OBI1: variants seen among roughly 807,000 people sequenced by gnomAD.
OBI1 encodes ORC ubiquitin ligase 1.
In OBI1, 59 loss-of-function variants were observed where a neutral mutation model predicts 62.4. The ratio of observed to expected loss-of-function variants is 0.95; its 90% CI spans 0.77 to 1.17. OBI1 has a LOEUF of 1.17. Ranked by LOEUF, OBI1 falls within the 50% of genes most tolerant of loss-of-function variation. The pLI is 0.00. For synonymous variants in OBI1, 302 were observed against 292.8 expected, an observed-to-expected ratio of 1.03 and a Z score of -0.32; for missense variants, 875 against 830.9, an observed-to-expected ratio of 1.05 and a Z score of -0.65.
chr13:78,652,681 C>G (rs988465602), intron 1 of OBI1, among the ~76,000 whole-genome samples: 1 of 152,302 alleles, frequency 6.6e-6, no homozygotes, highest in Middle Eastern at 3.4e-3. Flanking sequence ...GCATTAGACT[C>G]TCCTAAGGAG....
At chr13:78,624,605 T>C (rs1353452762) in intron 5 of OBI1, among the ~76,000 whole-genome samples, 2 of 152,124 alleles carry the variant, frequency 1.3e-5, no homozygotes, top group Non-Finnish European at 2.9e-5. Context: ...AACTATGCAT[T>C]TGTAGTTAAA....
At chr13:78,618,278 G>A (rs1157062368) in intron 5 of OBI1, among the ~76,000 whole-genome samples, 1 of 151,900 alleles carries the variant, frequency 6.6e-6, no homozygotes, top group East Asian at 1.9e-4. Flanking sequence ...TCTGTTTGGA[G>A]GAAGCTATGA....
At chr13:78,655,137 C>T (rs1313943597) in intron 1 of OBI1, among the ~76,000 whole-genome samples, 12 of 152,172 alleles carry the variant, frequency 7.9e-5, no homozygotes, top group Non-Finnish European at 1.6e-4. Flanking sequence ...TGGCAAAATG[C>T]ATGCACGGCC....
intron 1 of OBI1, among the ~76,000 whole-genome samples, chr13:78,656,784 T>A (rs985421019): frequency 1.4e-5 from 2 of 142,248 alleles, no homozygotes; most frequent in Admixed American, 7.1e-5. Flanking sequence ...AATTTTCTTT[T>A]ATTTTTAATT....
intron 2 of OBI1, among the ~76,000 whole-genome samples, chr13:78,642,426 A>T (rs1876247202): frequency 6.6e-6 from 1 of 152,202 alleles, no homozygotes; most frequent in South Asian, 2.1e-4. Context: ...ACCTTCAGTA[A>T]CACATCATAT....
At chr13:78,656,738 G>T (rs557269759) in intron 1 of OBI1, among the ~76,000 whole-genome samples, 8 of 122,792 alleles carry the variant, frequency 6.5e-5, no homozygotes, top group African/African-American at 2.4e-4. Flanking sequence ...CTGGGGGGGG[G>T]GGGGGAGGAG....
intron 5 of OBI1, among the ~76,000 whole-genome samples, chr13:78,633,766 T>C (rs1875927240): frequency 1.3e-5 from 2 of 152,142 alleles, no homozygotes; most frequent in Admixed American, 1.3e-4. Flanking sequence ...TCTTCTGGAA[T>C]GGAATAAAAA....
intron 1 of OBI1, among the ~76,000 whole-genome samples, chr13:78,653,233 C>G (rs990156718): frequency 8.5e-5 from 13 of 152,274 alleles, no homozygotes; most frequent in Non-Finnish European, 1.5e-4. Context: ...TTAGGCGGTT[C>G]CCTGCATATT....
Position 78,615,944 on chromosome 13 carries a change from T to C in OBI1, c.1817A>G (p.Glu606Gly), listed in dbSNP as rs149986119. ...LTNDQLENGSEWKPTSFFLLS... is the reference protein window; with the variant it reads ...LTNDQLENGSGWKPTSFFLLS... The stretch of plus-strand genomic sequence containing the variant: ...GAGAAAAAAAGAAGTGGGTTTCCAT[T>C]CACTTCCATTTTCTAACTGATCATT... The change falls in exon 6 of 6, where the codon GAA (glutamate) becomes GGA (glycine). Residue 606 changes from glutamate (E) to glycine (G), a missense_variant. Physicochemically the swap from Glu to Gly is moderately conservative, Grantham distance 98. Transcript: ENST00000282003. 1 of 1,613,572 alleles carries C rather than the reference T, an allele frequency of 6.2e-7. No individual in the cohort carries two copies. The highest frequency in any genetic ancestry group is 8.5e-7 in the Non-Finnish European group (1 of 1,179,898).
At chr13:78,648,873 A>G (rs916214316) in intron 1 of OBI1, among the ~76,000 whole-genome samples, 5 of 150,822 alleles carry the variant, frequency 3.3e-5, no homozygotes, top group Admixed American at 1.3e-4. Flanking sequence ...AGATCGCACC[A>G]TTGCACTCCA....
intron 1 of OBI1, 133 bp downstream of exon 1, chr13:78,658,916 A>G: frequency 4.3e-6 from 3 of 703,290 alleles, no homozygotes; most frequent in Non-Finnish European, 7.4e-6. Context: ...CCTCCCATCA[A>G]GAACGCGGGT....
chr13:78,644,684 C>G (rs1209913164), intron 2 of OBI1, among the ~76,000 whole-genome samples, 178 bp downstream of exon 2: 1 of 151,868 alleles, frequency 6.6e-6, no homozygotes, highest in Non-Finnish European at 1.5e-5. Flanking sequence ...CTTAGCACCT[C>G]TCAGTGCCTT....
chr13:78,653,859 A>G (rs1005282445), intron 1 of OBI1, among the ~76,000 whole-genome samples: 2 of 152,116 alleles, frequency 1.3e-5, no homozygotes, highest in Admixed American at 1.3e-4. Context: ...GAAGACCTGG[A>G]AAGACTATGT....
At chr13:78,621,444 A>C (rs1338473779) in intron 5 of OBI1, among the ~76,000 whole-genome samples, 5 of 152,210 alleles carry the variant, frequency 3.3e-5, no homozygotes, top group Admixed American at 3.3e-4. Context: ...TTTTCAGTTA[A>C]CATACAGACA....
In OBI1 at chr13:78,616,490, C is replaced by A; in HGVS notation, c.1271G>T (p.Arg424Ile). 6.2e-7 allele frequency: 1 copy of A among 1,614,096 alleles called. No individual in the cohort carries two copies. The highest frequency in any genetic ancestry group is 8.5e-7 in the Non-Finnish European group (1 of 1,180,018). Residue 424 changes from arginine (R) to isoleucine (I), a missense_variant, in exon 6 of 6, where the codon AGA becomes ATA. Arg to Ile is a moderately conservative substitution (Grantham distance 97). Transcript: ENST00000282003. ...ACAAAAATCATCAAACACCAATTTTCTGAGATGGTTTGAGTGCTTTTTGGA... is the reference window on the plus strand; with the variant it reads ...ACAAAAATCATCAAACACCAATTTTATGAGATGGTTTGAGTGCTTTTTGGA... ...GGSKKHSNHL[R>I]KLVFDDFCDS...
intron 1 of OBI1, among the ~76,000 whole-genome samples, chr13:78,652,896 G>C (rs771992872): frequency 6.4e-4 from 98 of 152,116 alleles, no homozygotes; most frequent in Non-Finnish European, 1.1e-3. Context: ...TCCTGCCCTA[G>C]GGTATATCCC....
chr13:78,635,611 T>TG lies in OBI1; in HGVS notation c.550-414dup, dbSNP rs1876003662. ...ATTCTTGAGCTTTGAAATTGATTTC[T>TG]GGGGTGCTGTTTAAAAATTTTTTTC... On this transcript the variant is annotated intron_variant, in intron 4 of 5. Coordinates refer to ENST00000282003, the MANE Select transcript of OBI1 (RefSeq NM_024546.4). Among the ~76,000 whole-genome samples, 7 of 152,326 alleles carry TG rather than the reference T, an allele frequency of 4.6e-5. No homozygotes were observed. In the South Asian group the frequency reaches 1.4e-3, roughly 32 times the overall value.
At chr13:78,643,473 T>C (rs1400874916) in intron 2 of OBI1, among the ~76,000 whole-genome samples, 1 of 152,172 alleles carries the variant, frequency 6.6e-6, no homozygotes, top group Non-Finnish European at 1.5e-5. Context: ...CTGTAGCATA[T>C]ATATTCCTTT....
chr13:78,638,612 T>C (rs1333412825), intron 4 of OBI1, among the ~76,000 whole-genome samples: 3 of 152,206 alleles, frequency 2.0e-5, no homozygotes, highest in Non-Finnish European at 4.4e-5. Flanking sequence ...TCTCTAATTA[T>C]AGTCACACAT....
Sources: allele counts gnomAD v4.1 joint callset (sites outside exome capture counted in the v4.1 genomes callset), GRCh38; gene constraint gnomAD v4.1.1; transcripts MANE v1.5; gene names NCBI Gene and HGNC (gene_info 2026-07-23, HGNC 2026-07-21).